The following BAZ1A variants were observed in gnomAD, a reference collection of about 807,000 sequenced individuals.
The protein encoded by BAZ1A is bromodomain adjacent to zinc finger domain 1A.
BAZ1A carries 50 observed loss-of-function variants against 185.2 expected under a neutral mutation model. That is an observed-to-expected ratio of 0.27 (90% CI 0.22 to 0.34). The LOEUF is 0.34. Among genes scored for constraint, BAZ1A ranks in the 10% least tolerant of loss-of-function variants. The probability of loss-of-function intolerance (pLI) is 1.00; values close to 1 mark genes in which losing one functional copy is unlikely to be tolerated. For synonymous variants in BAZ1A, 571 were observed against 615.6 expected (o/e 0.93, Z 1.07); for missense variants, 1,356 against 1,839.9 (o/e 0.74, Z 4.81).
chr14:34,762,026 T>A lies in BAZ1A; in HGVS notation c.3974A>T (p.Glu1325Val), dbSNP rs1325132878. 1 of 1,614,104 alleles carries A rather than the reference T, an allele frequency of 6.2e-7. No homozygotes were observed. The highest frequency in any genetic ancestry group is 8.5e-7 in the Non-Finnish European group (1 of 1,180,050). Residue 1325 changes from glutamate (E) to valine (V), a missense_variant, in exon 24 of 27, where the codon GAA (glutamate) becomes GTA (valine). Glu to Val is a moderately radical substitution (Grantham distance 121). Around this residue, in one of 7 missense-constraint regions of BAZ1A, gnomAD observed 309 missense variants for 355.3 expected, o/e 0.87. Coordinates refer to ENST00000360310, the MANE Select transcript of BAZ1A (RefSeq NM_013448.3). ...ACTGGCAATTCTTAAAGATTTTGTTTCTGTAGGAGGAGCAGAGTTTATCTT... is the reference window on the plus strand; with the variant it reads ...ACTGGCAATTCTTAAAGATTTTGTTACTGTAGGAGGAGCAGAGTTTATCTT... ...LRKINSAPPT[E>V]TKSLRIASRS...
intron 5 of BAZ1A, among the ~76,000 whole-genome samples, chr14:34,810,304 C>G (rs55805369): frequency 0.13 from 19,381 of 152,154 alleles, 1,631 homozygotes; most frequent in Middle Eastern, 0.19. Context: ...TCTGTATAAC[C>G]TAAAGCCAGT....
rs184725759 is a variant in BAZ1A, at chr14:34,787,856, A to T, written c.1511-1635T>A. On this transcript the variant is annotated intron_variant, in intron 12 of 26. Transcript: ENST00000360310. ...ATATCCAATTATTCCTAATTATAATACATAGATTGATCAAAATGTCAAGCT... is the reference window on the plus strand; with the variant it reads ...ATATCCAATTATTCCTAATTATAATTCATAGATTGATCAAAATGTCAAGCT... Among the ~76,000 whole-genome samples the T allele has an allele frequency of 1.9e-3, 293 of 152,354 alleles. 2 individuals carry two copies. The highest frequency in any genetic ancestry group is 6.8e-3 in the African/African-American group (283 of 41,584).
intron 17 of BAZ1A, among the ~76,000 whole-genome samples, chr14:34,777,641 C>T (rs1164757814): frequency 9.9e-6 from 1 of 101,448 alleles, no homozygotes; most frequent in African/African-American, 3.4e-5. Context: ...GAGACTCTGT[C>T]TCCAAAAAAA....
At chr14:34,803,028 T>A in intron 6 of BAZ1A, 40 bp from the exon 7 acceptor site, 1 of 1,556,858 alleles carries the variant, frequency 6.4e-7, no homozygotes, top group Non-Finnish European at 8.8e-7. Context: ...AATAACACAT[T>A]AGTAAACAAC....
intron 4 of BAZ1A, among the ~76,000 whole-genome samples, chr14:34,817,914 T>C (rs888003186): frequency 6.6e-6 from 1 of 152,198 alleles, no homozygotes; most frequent in African/African-American, 2.4e-5. Context: ...GCACAGCTAC[T>C]GGGAACAGCA....
intron 12 of BAZ1A, chr14:34,786,482 C>A: frequency 2.9e-6 from 1 of 347,090 alleles, no homozygotes; most frequent in Non-Finnish European, 5.2e-6. Context: ...CGCACATAAA[C>A]ATTCCCCCAA....
intron 2 of BAZ1A, among the ~76,000 whole-genome samples, chr14:34,873,169 A>C (rs2042979929): frequency 6.6e-6 from 1 of 152,156 alleles, no homozygotes; most frequent in South Asian, 2.1e-4. Context: ...AACTTTTCTA[A>C]CCTCACTATT....
intron 23 of BAZ1A, among the ~76,000 whole-genome samples, chr14:34,763,349 C>T (rs1437270817): frequency 6.6e-6 from 1 of 151,044 alleles, no homozygotes; most frequent in African/African-American, 2.4e-5. Context: ...GGTCCTTTTG[C>T]ACTTTTGCAG....
rs1028001093 is a variant in BAZ1A at position 34,874,137 on chromosome 14, C to T, written c.113+355G>A. On this transcript the variant is annotated intron_variant, in intron 2 of 26. Transcript: ENST00000360310. This position sits in a 1 kb window ranked among gnomAD's most constrained non-coding sequence, Gnocchi z 4.7. Reference sequence around the variant, plus strand: ...GCCGGGAGGGGATCCCGGAACTGGCCCCGGAGTGCGCGTGTGGCCGCGGCG... The same window carrying T: ...GCCGGGAGGGGATCCCGGAACTGGCTCCGGAGTGCGCGTGTGGCCGCGGCG... 4.6e-5 allele frequency among the ~76,000 whole-genome samples: 7 copies of T among 152,086 alleles called. No individual in the cohort carries two copies. The highest frequency in any genetic ancestry group is 7.4e-5 in the Non-Finnish European group (5 of 67,976).
intron 4 of BAZ1A, among the ~76,000 whole-genome samples, chr14:34,816,080 CTTTTTT>C (rs35830800): frequency 4.3e-4 from 34 of 79,426 alleles, no homozygotes; most frequent in African/African-American, 1.3e-3. Flanking sequence ...TATTCCAGAC[CTTTTTT>C]TTTTTTTTTT....
At chr14:34,784,167 G>A (rs1880247575) in intron 14 of BAZ1A, among the ~76,000 whole-genome samples, 1 of 151,642 alleles carries the variant, frequency 6.6e-6, no homozygotes, top group African/African-American at 2.4e-5. Context: ...TCAGGAGTTC[G>A]AGACCAGCCT....
chr14:34,835,655 C>A (rs2042316283), intron 3 of BAZ1A, among the ~76,000 whole-genome samples: 1 of 151,152 alleles, frequency 6.6e-6, no homozygotes, highest in Admixed American at 6.6e-5. Context: ...CTGTAATAAG[C>A]TGAACATGGA....
intron 3 of BAZ1A, among the ~76,000 whole-genome samples, chr14:34,835,575 C>G (rs2042315041): frequency 6.6e-6 from 1 of 151,782 alleles, no homozygotes; most frequent in Non-Finnish European, 1.5e-5. Flanking sequence ...AAACACATTT[C>G]AGAGTGAAAG....
At chr14:34,779,955 C>T (rs1879929160) in intron 17 of BAZ1A, among the ~76,000 whole-genome samples, 1 of 152,100 alleles carries the variant, frequency 6.6e-6, no homozygotes, top group African/African-American at 2.4e-5. Flanking sequence ...TATCTTCTTT[C>T]TAAAGTATAG....
At chr14:34,866,500 A>AG (rs1308307673) in intron 2 of BAZ1A, among the ~76,000 whole-genome samples, 19 of 147,554 alleles carry the variant, frequency 1.3e-4, no homozygotes, top group Non-Finnish European at 2.7e-4. Flanking sequence ...AAAAAAAAAA[A>AG]AAGAAAAAAG....
intron 3 of BAZ1A, among the ~76,000 whole-genome samples, chr14:34,830,411 C>T (rs2042223987): frequency 6.6e-6 from 1 of 151,604 alleles, no homozygotes; most frequent in Admixed American, 6.6e-5. Flanking sequence ...CATAGGATTC[C>T]ATTTATATGA....
At chr14:34,838,840 T>C (rs1241136477) in intron 3 of BAZ1A, among the ~76,000 whole-genome samples, 1 of 152,124 alleles carries the variant, frequency 6.6e-6, no homozygotes, top group Non-Finnish European at 1.5e-5. Flanking sequence ...ACAATTATTT[T>C]ACAACTACAT....
At chr14:34,835,635 A>C (rs2042315918) in intron 3 of BAZ1A, among the ~76,000 whole-genome samples, 1 of 151,632 alleles carries the variant, frequency 6.6e-6, no homozygotes, top group South Asian at 2.1e-4. Context: ...AACATTAATT[A>C]GTCATAAATC....
At chr14:34,804,875 T>G (rs1566571722) in intron 6 of BAZ1A, among the ~76,000 whole-genome samples, 1 of 152,216 alleles carries the variant, frequency 6.6e-6, no homozygotes, top group Admixed American at 6.5e-5. Context: ...CAGTCTATGC[T>G]CACCAAAACT....
Sources: allele counts gnomAD v4.1 joint callset (sites outside exome capture counted in the v4.1 genomes callset), GRCh38; gene constraint gnomAD v4.1.1; regional missense constraint gnomAD v4.1.1; non-coding constraint Gnocchi (gnomAD v3.1); transcripts MANE v1.5; gene names NCBI Gene and HGNC (gene_info 2026-07-23, HGNC 2026-07-21).